TTC39B: variants seen among roughly 807,000 people sequenced by gnomAD.
TTC39B encodes tetratricopeptide repeat domain 39B.
A neutral mutation model predicts 96.6 loss-of-function variants in TTC39B; 92 were observed. The ratio of observed to expected loss-of-function variants is 0.95; its 90% confidence interval spans 0.80 to 1.13. TTC39B has a LOEUF of 1.13. TTC39B is among the 50% of genes most tolerant of loss of function. TTC39B has a pLI of 0.00. For missense variants in TTC39B, 955 were observed against 809.3 expected (o/e 1.18, Z -2.18); for synonymous variants, 367 against 299.4 (o/e 1.23, Z -2.33).
intron 2 of TTC39B, among the ~76,000 whole-genome samples, chr9:15,241,243 T>C (rs979243685): frequency 1.3e-5 from 2 of 151,946 alleles, no homozygotes; most frequent in African/African-American, 2.4e-5. Flanking sequence ...CCCTTTATCA[T>C]GTGTTTTACA....
At chr9:15,206,720 T>C (rs886614925) in intron 6 of TTC39B, among the ~76,000 whole-genome samples, 4 of 152,130 alleles carry the variant, frequency 2.6e-5, no homozygotes, top group East Asian at 3.8e-4. Flanking sequence ...TATTTCATAA[T>C]AGGCTATAGT....
chr9:15,183,438 C>G (rs1438262169), intron 16 of TTC39B: 1 of 330,544 alleles, frequency 3.0e-6, no homozygotes, highest in Admixed American at 4.4e-5. Context: ...TTATGAAAAA[C>G]AGGCTTTTGG....
chr9:15,204,565 T>C (rs1350178103), intron 6 of TTC39B, among the ~76,000 whole-genome samples: 1 of 151,976 alleles, frequency 6.6e-6, no homozygotes, highest in East Asian at 1.9e-4. Context: ...CACACAGTTT[T>C]AAAAGTTGAA....
intron 2 of TTC39B, among the ~76,000 whole-genome samples, chr9:15,254,420 G>A (rs545033279): frequency 5.3e-5 from 8 of 152,054 alleles, no homozygotes; most frequent in African/African-American, 1.9e-4. Flanking sequence ...TACAAAAACA[G>A]CAGTGCTCTT....
intron 2 of TTC39B, among the ~76,000 whole-genome samples, chr9:15,267,498 T>C (rs537287217): frequency 1.2e-4 from 19 of 152,344 alleles, no homozygotes; most frequent in Middle Eastern, 3.4e-3. Flanking sequence ...GGTAAGTAAA[T>C]TGTAATATTC....
intron 2 of TTC39B, among the ~76,000 whole-genome samples, chr9:15,231,609 C>T (rs1340258185): frequency 6.6e-6 from 1 of 152,034 alleles, no homozygotes; most frequent in Non-Finnish European, 1.5e-5. Context: ...CAACTATTTT[C>T]GAGGGTAAAG....
chr9:15,171,864 C>T, exon 20 of TTC39B: 1 of 463,086 alleles, frequency 2.2e-6, no homozygotes, highest in South Asian at 4.4e-5. Context: ...ATTATGTAGA[C>T]CAACAGTAAA....
exon 20 of TTC39B, chr9:15,171,372 G>C (rs1817652042): frequency 6.6e-6 from 1 of 151,966 alleles, no homozygotes; most frequent in Admixed American, 6.6e-5. Context: ...ATAGACTTAA[G>C]TACATTCAAA....
chr9:15,263,995 G>T (rs939475139), intron 2 of TTC39B, among the ~76,000 whole-genome samples: 1 of 152,180 alleles, frequency 6.6e-6, no homozygotes, highest in Admixed American at 6.5e-5. Flanking sequence ...GGACAGGGAA[G>T]TTAAAATTAG....
Position 15,192,577 on chromosome 9 carries a change from G to A in TTC39B, c.930+13C>T. ...CTACAAAAGTTCTGGTTTCTATACA[G>A]TGATTTCCTTACCAAATTAAAGGCC... On this transcript the variant is annotated intron_variant, in intron 9 of 19. Coordinates refer to ENST00000512701, the Ensembl canonical transcript of TTC39B. The A allele has an allele frequency of 6.2e-7, 1 of 1,603,268 alleles. No homozygotes were observed. Among genetic ancestry groups the A allele is most frequent in the Non-Finnish European group, 8.5e-7 (1 of 1,170,454 alleles).
chr9:15,188,115 T>C (rs146887179), exon 14 of TTC39B: 27 of 1,604,344 alleles, frequency 1.7e-5, no homozygotes, highest in African/African-American at 5.4e-5. Context: ...AAATGCATTT[T>C]TGAAATACTT....
chr9:15,198,460 A>AT (rs1331330874), intron 8 of TTC39B, among the ~76,000 whole-genome samples: 4 of 81,616 alleles, frequency 4.9e-5, no homozygotes, highest in Non-Finnish European at 8.0e-5. Flanking sequence ...TCGGTCGCAA[A>AT]AATATATATA....
intron 15 of TTC39B, 178 bp from the exon 16 acceptor site, chr9:15,185,584 C>G: frequency 1.1e-6 from 1 of 884,692 alleles, no homozygotes; most frequent in South Asian, 1.9e-5. Context: ...TCAGCAACTC[C>G]AGGGCCGGGG....
exon 5 of TTC39B, chr9:15,211,384 T>C: frequency 1.3e-6 from 2 of 1,565,228 alleles, no homozygotes; most frequent in Non-Finnish European, 1.7e-6. Context: ...GCATGGTACA[T>C]ACTCTCCTTA....
Position 15,214,250 on chromosome 9 carries a change from C to G in TTC39B, c.372-1G>C. 1.2e-6 allele frequency: 2 copies of G among 1,609,940 alleles called. No individual in the cohort carries two copies. The highest frequency in any genetic ancestry group is 8.5e-7 in the Non-Finnish European group (1 of 1,177,464). On this transcript the variant is annotated splice_acceptor_variant, in intron 3 of 19. Transcript: ENST00000512701. LOFTEE classifies it high-confidence loss of function. ...GAGATCCACCTTGGTTGATGATGAA[C>G]TAAAGATCAAGAAAAAAGCACAGAG...
chr9:15,195,907 CTT>C (rs1819139698), intron 8 of TTC39B, among the ~76,000 whole-genome samples: 1 of 152,150 alleles, frequency 6.6e-6, no homozygotes, highest in Non-Finnish European at 1.5e-5. Context: ...CAGGCTGACT[CTT>C]GTTAGGGACT....
At chr9:15,195,272 T>A (rs1819090585) in intron 8 of TTC39B, among the ~76,000 whole-genome samples, 1 of 151,986 alleles carries the variant, frequency 6.6e-6, no homozygotes. Flanking sequence ...AGACCCTAAC[T>A]CTTAAACTCT....
intron 8 of TTC39B, 27 bp from the exon 9 acceptor site, chr9:15,192,722 A>T (rs566820): frequency 2.0e-6 from 3 of 1,510,356 alleles, no homozygotes; most frequent in Non-Finnish European, 2.8e-6. Flanking sequence ...AAGTGACAGC[A>T]TAAGTTGACC....
chr9:15,282,573 A>AT (rs937621078), intron 1 of TTC39B, among the ~76,000 whole-genome samples: 33 of 152,240 alleles, frequency 2.2e-4, no homozygotes. Flanking sequence ...AAAATTCCAT[A>AT]TGAGGTGTTA....
Sources: allele counts gnomAD v4.1 joint callset (sites outside exome capture counted in the v4.1 genomes callset), GRCh38; gene constraint gnomAD v4.1.1; transcripts MANE v1.5; gene names NCBI Gene and HGNC (gene_info 2026-07-23, HGNC 2026-07-21).